Variants in TSPAN15 observed in about 807,000 individuals in gnomAD.
TSPAN15 encodes the protein tetraspanin-15.
TSPAN15 carries 20 observed loss-of-function variants against 34.5 expected under a neutral mutation model. That is an observed-to-expected ratio of 0.58 (90% CI 0.41 to 0.84). The LOEUF is 0.84. TSPAN15 is among the 40% of genes least tolerant of loss of function. The pLI is 0.00. For missense variants in TSPAN15, 313 were observed against 386.1 expected, an observed-to-expected ratio of 0.81 and a Z score of 1.59; for synonymous variants, 155 against 153.9, an observed-to-expected ratio of 1.01 and a Z score of -0.05.
At chr10:69,535,192 A>G in the TSPAN15 span, among the ~76,000 whole-genome samples, 1 of 152,174 alleles carries the variant, frequency 6.6e-6, no homozygotes, top group Non-Finnish European at 1.5e-5. Context: ...CTTTCCTATG[A>G]AAAATAAACC....
At chr10:69,474,112 A>T (rs903762572) in intron 1 of TSPAN15, among the ~76,000 whole-genome samples, 1 of 152,068 alleles carries the variant, frequency 6.6e-6, no homozygotes, top group Non-Finnish European at 1.5e-5. Context: ...TGAGCCTCAC[A>T]TCCTCGGCTC....
chr10:69,470,626 A>G (rs1266433803), intron 1 of TSPAN15, among the ~76,000 whole-genome samples: 1 of 152,164 alleles, frequency 6.6e-6, no homozygotes, highest in Non-Finnish European at 1.5e-5. Flanking sequence ...ACAGCCAGGC[A>G]TGGTGGCAAG....
rs148660602 is a variant in TSPAN15 at position 69,495,549 on chromosome 10, G to A, written c.358-45G>A. On this transcript the variant is annotated intron_variant, in intron 3 of 7. Transcript: ENST00000373290. ...TCTGGAAAACCTTGGGTTGGACTCC[G>A]GGAGTGTGTGGTTCTTTTCCTTTGT... 1.9e-3 allele frequency: 2,753 copies of A among 1,449,370 alleles called. 52 individuals are homozygous for A. The East Asian group carries it at 0.04, about 21-fold the overall frequency. The allele number at this position is 1,449,370 out of a possible 1,614,324, so 89.8% of individuals were successfully genotyped here. A position where few individuals can be genotyped will look rare whatever the true frequency, so the allele number is the denominator to read the frequency against.
chr10:69,471,290 C>T (rs1466732933), intron 1 of TSPAN15, among the ~76,000 whole-genome samples: 1 of 152,088 alleles, frequency 6.6e-6, no homozygotes, highest in Non-Finnish European at 1.5e-5. Flanking sequence ...GAACCACTTT[C>T]ATAGTAATAG....
the TSPAN15 span, among the ~76,000 whole-genome samples, chr10:69,542,955 T>C: frequency 6.6e-6 from 1 of 152,228 alleles, no homozygotes; most frequent in Admixed American, 6.5e-5. Flanking sequence ...TGAGCAAGTA[T>C]TCAACCTCTC....
At chr10:69,543,798 G>C in the TSPAN15 span, among the ~76,000 whole-genome samples, 3 of 151,222 alleles carry the variant, frequency 2.0e-5, no homozygotes, top group African/African-American at 7.3e-5. Context: ...TCACAGCCTG[G>C]AGAAAGAAGG....
intron 3 of TSPAN15, among the ~76,000 whole-genome samples, chr10:69,485,973 G>A (rs1454906286): frequency 6.6e-6 from 1 of 152,148 alleles, no homozygotes; most frequent in East Asian, 1.9e-4. Flanking sequence ...TGCAGAATCC[G>A]GGCCCCTTAG....
the TSPAN15 span, among the ~76,000 whole-genome samples, chr10:69,539,553 GAAGGAGAAGGA>G: frequency 9.7e-6 from 1 of 102,712 alleles, no homozygotes; most frequent in Non-Finnish European, 2.1e-5. Flanking sequence ...AGGAGAAGGA[GAAGGAGAAGGA>G]GAAGAAGACT....
chr10:69,545,294 C>T, the TSPAN15 span, among the ~76,000 whole-genome samples: 1 of 152,168 alleles, frequency 6.6e-6, no homozygotes. Context: ...CAAAAGTGGA[C>T]AAGGACCACC....
At position 69,483,567 on chromosome 10, in the gene TSPAN15, C is replaced by A. The variant is rs10823396; in HGVS notation, c.97-124C>A. 21 of 1,026,672 alleles carry A rather than the reference C, an allele frequency of 2.0e-5. No individual in the cohort carries two copies. The Admixed American group carries it at 4.0e-4, about 20-fold the overall frequency. The allele number at this position is 1,026,672 out of a possible 1,614,324, so 63.6% of individuals were successfully genotyped here. A position where few individuals can be genotyped will look rare whatever the true frequency, so the allele number is the denominator to read the frequency against. On this transcript the variant is annotated intron_variant, in intron 1 of 7. Coordinates refer to ENST00000373290, the MANE Select transcript of TSPAN15 (RefSeq NM_012339.5). Reference sequence around the variant, plus strand: ...AACACAGTTCAGCCGCTAACAGGGCCCTTTCTGTGCTGTAACCTGGGGCAA... The same window carrying A: ...AACACAGTTCAGCCGCTAACAGGGCACTTTCTGTGCTGTAACCTGGGGCAA...
downstream of TSPAN15, among the ~76,000 whole-genome samples, chr10:69,512,033 A>G (rs1344297651): frequency 6.6e-6 from 1 of 152,184 alleles, no homozygotes; most frequent in East Asian, 1.9e-4. Context: ...GCACATGTAT[A>G]CCTATGTAAC....
intron 1 of TSPAN15, among the ~76,000 whole-genome samples, chr10:69,455,621 T>TCC (rs1162399692): frequency 2.1e-5 from 2 of 95,962 alleles, no homozygotes; most frequent in African/African-American, 4.4e-5. Context: ...TCTCTCTCTC[T>TCC]CTCTCCCCCC....
At chr10:69,528,030 C>T in the TSPAN15 span, among the ~76,000 whole-genome samples, 1 of 148,316 alleles carries the variant, frequency 6.7e-6, no homozygotes, top group Non-Finnish European at 1.5e-5. Context: ...CCAAGTTTTG[C>T]TCGGGCTCAC....
chr10:69,542,676 G>C, the TSPAN15 span, among the ~76,000 whole-genome samples: 1 of 152,244 alleles, frequency 6.6e-6, no homozygotes, highest in South Asian at 2.1e-4. Context: ...GTGGCAGGGG[G>C]GAGCCCCTCA....
the TSPAN15 span, among the ~76,000 whole-genome samples, chr10:69,518,401 A>C: frequency 7.2e-5 from 11 of 152,000 alleles, no homozygotes; most frequent in African/African-American, 2.7e-4. Flanking sequence ...AATAAATAGA[A>C]GTTATTAAAG....
intron 1 of TSPAN15, 27 bp from the exon 2 acceptor site, chr10:69,483,664 C>G: frequency 1.2e-6 from 2 of 1,606,750 alleles, no homozygotes; most frequent in Non-Finnish European, 1.7e-6. Flanking sequence ...CTCAGTCTCT[C>G]TCTCACCCTC....
rs114240467 is a variant in TSPAN15, at chr10:69,470,595, C to T, written c.97-13096C>T. Among the ~76,000 whole-genome samples, 748 of 152,222 alleles carry T rather than the reference C, an allele frequency of 4.9e-3. 5 individuals are homozygous for T. The highest frequency in any genetic ancestry group is 0.017 in the African/African-American group (713 of 41,538). On this transcript the variant is annotated intron_variant, in intron 1 of 7. Transcript: ENST00000373290. ...CTCCCAGTCTCTTGGCATAGCAGTC[C>T]AAGCAACTCTTTTAAAGATCACAGC...
At chr10:69,514,497 G>C in the TSPAN15 span, among the ~76,000 whole-genome samples, 1,463 of 152,274 alleles carry the variant, frequency 9.6e-3, 28 homozygotes, top group African/African-American at 0.033. Context: ...TTCTTTGTAG[G>C]AAGATTTTAA....
chr10:69,500,265 G>T (rs372181314), intron 5 of TSPAN15, among the ~76,000 whole-genome samples: 1 of 152,188 alleles, frequency 6.6e-6, no homozygotes, highest in Non-Finnish European at 1.5e-5. Context: ...ACATCTATGA[G>T]GACAGCCCTT....
Sources: allele counts gnomAD v4.1 joint callset (sites outside exome capture counted in the v4.1 genomes callset), GRCh38; gene constraint gnomAD v4.1.1; transcripts MANE v1.5; gene names NCBI Gene and HGNC (gene_info 2026-07-23, HGNC 2026-07-21).